NKAIN2: variants seen among roughly 807,000 people sequenced by gnomAD.
NKAIN2 encodes the protein sodium/potassium-transporting ATPase subunit beta-1-interacting protein 2.
NKAIN2 carries 14 observed loss-of-function variants against 32.6 expected under a neutral mutation model. The ratio of observed to expected loss-of-function variants is 0.43; its 90% CI spans 0.28 to 0.67. The LOEUF (loss-of-function observed/expected upper bound fraction) is 0.67. Among genes scored for constraint, NKAIN2 ranks in the 30% least tolerant of loss-of-function variants. The probability of loss-of-function intolerance (pLI) is 0.17; values close to 1 mark genes in which losing one functional copy is unlikely to be tolerated. For synonymous variants in NKAIN2, 80 were observed against 87.2 expected, an observed-to-expected ratio of 0.92 and a Z score of 0.46; for missense variants, 198 against 258.3, an observed-to-expected ratio of 0.77 and a Z score of 1.60.
At chr6:124,379,171 GGGAGGGAAGAGGAGGGGAGGGAGGGA>G (rs1315286574) in intron 3 of NKAIN2, among the ~76,000 whole-genome samples, 4 of 51,138 alleles carry the variant, frequency 7.8e-5, no homozygotes, top group African/African-American at 1.5e-4. Context: ...AGGGGAGGGA[GGGAGGGAAGAGGAGGGGAGGGAGGGA>G]AAGGAGGAAG....
At chr6:123,918,282 T>A (rs1775589947) in intron 1 of NKAIN2, among the ~76,000 whole-genome samples, 1 of 152,224 alleles carries the variant, frequency 6.6e-6, no homozygotes, top group African/African-American at 2.4e-5. Flanking sequence ...ATGTTGTTAA[T>A]AATGCAGATT....
intron 1 of NKAIN2, among the ~76,000 whole-genome samples, chr6:124,058,725 G>T (rs1782783964): frequency 6.6e-6 from 1 of 152,142 alleles, no homozygotes; most frequent in South Asian, 2.1e-4. Flanking sequence ...ATGAATGGAA[G>T]AAAGAGAAAA....
At chr6:123,876,661 T>C (rs1482333386) in intron 1 of NKAIN2, among the ~76,000 whole-genome samples, 1 of 152,180 alleles carries the variant, frequency 6.6e-6, no homozygotes. Context: ...AGAAGACTGA[T>C]ACTTTCAGCT....
intron 3 of NKAIN2, among the ~76,000 whole-genome samples, chr6:124,485,562 G>A (rs971598789): frequency 5.9e-5 from 9 of 151,828 alleles, no homozygotes; most frequent in Admixed American, 1.3e-4. Flanking sequence ...TATAACATGC[G>A]TCTCAGCTTA....
At chr6:123,872,884 C>T (rs1373249488) in intron 1 of NKAIN2, among the ~76,000 whole-genome samples, 1 of 152,078 alleles carries the variant, frequency 6.6e-6, no homozygotes, top group Non-Finnish European at 1.5e-5. Flanking sequence ...GAAATTAATC[C>T]TTATAACACC....
At chr6:124,790,298 C>T (rs1440248577) in intron 4 of NKAIN2, among the ~76,000 whole-genome samples, 2 of 152,084 alleles carry the variant, frequency 1.3e-5, no homozygotes, top group Non-Finnish European at 2.9e-5. Flanking sequence ...CACTATCTGT[C>T]ATCTAATGAA....
intron 3 of NKAIN2, among the ~76,000 whole-genome samples, chr6:124,548,478 G>A (rs7768294): frequency 0.68 from 103,294 of 151,996 alleles, 35,288 homozygotes; most frequent in East Asian, 0.76. Context: ...TGATATTCCA[G>A]TGATATAGCC....
chr6:124,326,429 T>A (rs941962702), intron 2 of NKAIN2, among the ~76,000 whole-genome samples: 1 of 152,168 alleles, frequency 6.6e-6, no homozygotes, highest in Non-Finnish European at 1.5e-5. Flanking sequence ...CCTGTTACCA[T>A]GAACACCTCA....
At chr6:124,396,346 T>A (rs1478106267) in intron 3 of NKAIN2, among the ~76,000 whole-genome samples, 1 of 148,252 alleles carries the variant, frequency 6.7e-6, no homozygotes, top group Non-Finnish European at 1.5e-5. Context: ...AGAGAGTGGC[T>A]GGGAATGAGA....
intron 1 of NKAIN2, among the ~76,000 whole-genome samples, chr6:124,204,838 T>A (rs1287063408): frequency 6.6e-6 from 1 of 151,744 alleles, no homozygotes; most frequent in East Asian, 1.9e-4. Flanking sequence ...TCTTAATCTT[T>A]CAGTGAGTAC....
chr6:124,642,504 A>C (rs1019117125), intron 3 of NKAIN2, among the ~76,000 whole-genome samples: 1 of 152,198 alleles, frequency 6.6e-6, no homozygotes, highest in African/African-American at 2.4e-5. Context: ...GTGAGTGTCC[A>C]CATGTAGATA....
intron 3 of NKAIN2, among the ~76,000 whole-genome samples, chr6:124,556,025 T>A (rs181403680): frequency 5.2e-4 from 77 of 148,982 alleles, no homozygotes; most frequent in Admixed American, 2.5e-3. Context: ...AAAAGCCACA[T>A]AAAAACTTCT....
Position 124,073,815 on chromosome 6 carries a change from A to G in NKAIN2, c.55-209190A>G, listed in dbSNP as rs924714534. Among the ~76,000 whole-genome samples, 3 of 151,828 alleles carry G rather than the reference A, an allele frequency of 2.0e-5. No individual in the cohort carries two copies. In the East Asian group the frequency reaches 5.8e-4, roughly 29 times the overall value. ...GGGTCCTCCCTGCTCCCCCACCCCC[A>G]CCGGGCAGGGGAGGATTCAGATTTT... On this transcript the variant is annotated intron_variant, in intron 1 of 6. Coordinates refer to ENST00000368417, the MANE Select transcript of NKAIN2 (RefSeq NM_001040214.3).
chr6:124,542,044 A>C (rs145310032), intron 3 of NKAIN2, among the ~76,000 whole-genome samples: 1,535 of 152,272 alleles, frequency 0.01, 31 homozygotes, highest in African/African-American at 0.035. Context: ...AATTTATTTA[A>C]AAATTAAATT....
chr6:124,072,699 G>A (rs958838912), intron 1 of NKAIN2, among the ~76,000 whole-genome samples: 3 of 152,054 alleles, frequency 2.0e-5, no homozygotes, highest in Non-Finnish European at 4.4e-5. Flanking sequence ...TAAAAATGCT[G>A]CAAGTTCCTT....
intron 1 of NKAIN2, among the ~76,000 whole-genome samples, chr6:124,144,993 C>A (rs1300266828): frequency 6.6e-6 from 1 of 152,042 alleles, no homozygotes; most frequent in Non-Finnish European, 1.5e-5. Flanking sequence ...TCACCAGAGA[C>A]AATATTCCGA....
At chr6:124,298,667 T>C (rs1045528883) in intron 2 of NKAIN2, among the ~76,000 whole-genome samples, 1 of 152,150 alleles carries the variant, frequency 6.6e-6, no homozygotes, top group Non-Finnish European at 1.5e-5. Context: ...ATTTTAAATA[T>C]AGAATGATAA....
chr6:124,571,122 C>T (rs1781111781), intron 3 of NKAIN2, among the ~76,000 whole-genome samples: 1 of 152,162 alleles, frequency 6.6e-6, no homozygotes, highest in Non-Finnish European at 1.5e-5. Flanking sequence ...CCATCTGGAA[C>T]AGCTGTATTT....
At chr6:123,959,646 G>C (rs1393636236) in intron 1 of NKAIN2, among the ~76,000 whole-genome samples, 2 of 152,074 alleles carry the variant, frequency 1.3e-5, no homozygotes, top group Non-Finnish European at 2.9e-5. Context: ...ATCATGCATA[G>C]AGCAGAAATA....
Sources: gnomAD v4.1 joint callset for allele counts (sites outside exome capture counted in the v4.1 genomes callset) on GRCh38, gnomAD v4.1.1 for gene constraint, MANE v1.5 for transcripts, NCBI Gene and HGNC (gene_info 2026-07-23, HGNC 2026-07-21) for gene names.